The following EIF4H variants were observed in gnomAD, a reference collection of about 807,000 sequenced individuals.
EIF4H encodes the protein Williams-Beuren syndrome chromosome region 1.
A neutral mutation model predicts 30.6 loss-of-function variants in EIF4H; 8 were observed. The ratio of observed to expected loss-of-function variants is 0.26; its 90% CI spans 0.15 to 0.47. EIF4H has a LOEUF of 0.47. EIF4H is among the 20% of genes least tolerant of loss of function. EIF4H has a pLI of 0.99. For synonymous variants in EIF4H, 106 were observed against 122.7 expected (o/e 0.86, Z 0.90); for missense variants, 188 against 339.5 (o/e 0.55, Z 3.51).
rs1420106578 is a variant in EIF4H, at chr7:74,196,920, G to A, written c.*1612G>A. The stretch of plus-strand genomic sequence containing the variant: ...CAGATGACCTACTTACATCTTCAAT[G>A]TGGATAAGATAAAGAACAAAACACA... On this transcript the variant is annotated 3_prime_UTR_variant, in exon 7 of 7. Transcript: ENST00000265753. 6.6e-6 allele frequency: 1 copy of A among 152,596 alleles called. No homozygotes were observed. Among genetic ancestry groups the A allele is most frequent in the Admixed American group, 6.6e-5 (1 of 15,262 alleles). The allele number at this position is 152,596 out of a possible 1,614,324, so 9.5% of individuals were successfully genotyped here.
intron 1 of EIF4H, among the ~76,000 whole-genome samples, chr7:74,178,717 C>T (rs1554708024): frequency 2.6e-5 from 4 of 152,090 alleles, no homozygotes. Context: ...CGCCTGGTTG[C>T]TTTTACATCA....
intron 1 of EIF4H, among the ~76,000 whole-genome samples, chr7:74,182,222 T>G (rs1009646051): frequency 6.6e-6 from 1 of 152,196 alleles, no homozygotes; most frequent in East Asian, 1.9e-4. Flanking sequence ...TATAGTGACC[T>G]GTATACCCAT....
chr7:74,194,674 C>T (rs535068536), intron 5 of EIF4H, 67 bp from the exon 6 acceptor site: 148 of 1,475,122 alleles, frequency 1.0e-4, no homozygotes, highest in Non-Finnish European at 1.2e-4. Flanking sequence ...ATTCCCAGAA[C>T]ATTATTCTAT....
intron 1 of EIF4H, among the ~76,000 whole-genome samples, chr7:74,179,109 C>G (rs1414348817): frequency 6.6e-6 from 1 of 152,214 alleles, no homozygotes; most frequent in African/African-American, 2.4e-5. Context: ...GCTGGATTCT[C>G]ATACCTGCAT....
chr7:74,174,640 C>T (rs868906489), intron 1 of EIF4H, among the ~76,000 whole-genome samples, 198 bp downstream of exon 1: 1 of 152,040 alleles, frequency 6.6e-6, no homozygotes, highest in Non-Finnish European at 1.5e-5. Flanking sequence ...CTCCCGGGGT[C>T]TTGCTTGCGG....
At chr7:74,186,788 ATTTTTTTTTTTTTTTT>A (rs564794579) in intron 1 of EIF4H, among the ~76,000 whole-genome samples, 5,684 of 69,672 alleles carry the variant, frequency 0.082, 1,625 homozygotes, top group Non-Finnish European at 0.1. Context: ...ACAAGGAGAA[ATTTTTTTTTTTTTTTT>A]TTTTTTTTTT....
At chr7:74,185,471 C>G (rs1801061545) in intron 1 of EIF4H, among the ~76,000 whole-genome samples, 1 of 152,012 alleles carries the variant, frequency 6.6e-6, no homozygotes. Flanking sequence ...AGGTAGGATG[C>G]AATTCACTTG....
At chr7:74,176,851 T>A (rs1235632074) in intron 1 of EIF4H, among the ~76,000 whole-genome samples, 1 of 152,220 alleles carries the variant, frequency 6.6e-6, no homozygotes, top group African/African-American at 2.4e-5. Context: ...TTGTACCAGA[T>A]CTTGAATGGA....
chr7:74,191,246 C>A (rs1231532133), intron 5 of EIF4H: 1 of 534,010 alleles, frequency 1.9e-6, no homozygotes, highest in Non-Finnish European at 3.8e-6. Context: ...ATGGTGAAGT[C>A]AATCTGTAAT....
At chr7:74,186,227 CTTT>C (rs5884935) in intron 1 of EIF4H, among the ~76,000 whole-genome samples, 1 of 143,122 alleles carries the variant, frequency 7.0e-6, no homozygotes, top group Non-Finnish European at 1.5e-5. Flanking sequence ...ATTCTGATGT[CTTT>C]TTTTTTTTTT....
intron 1 of EIF4H, among the ~76,000 whole-genome samples, chr7:74,182,450 C>A (rs890147522): frequency 6.6e-6 from 1 of 152,230 alleles, no homozygotes; most frequent in African/African-American, 2.4e-5. Context: ...CTTGGCCTCC[C>A]GAAGTGCCGG....
chr7:74,189,994 A>G (rs1168534921), intron 4 of EIF4H, 76 bp downstream of exon 4: 2 of 1,512,872 alleles, frequency 1.3e-6, no homozygotes, highest in South Asian at 1.2e-5. Flanking sequence ...GAACGTTCCT[A>G]GTAGAACTCG....
At chr7:74,195,097 C>T (rs1584189747) in intron 6 of EIF4H, 72 bp from the exon 7 acceptor site, 1 of 1,580,090 alleles carries the variant, frequency 6.3e-7, no homozygotes, top group Admixed American at 1.7e-5. Context: ...CTGACAGCAA[C>T]ATCAGCATGG....
chr7:74,192,818 C>G (rs1446662281), intron 5 of EIF4H, among the ~76,000 whole-genome samples: 1 of 151,858 alleles, frequency 6.6e-6, no homozygotes, highest in Non-Finnish European at 1.5e-5. Flanking sequence ...GCTGGGATTA[C>G]AGGCGCACAC....
intron 2 of EIF4H, 104 bp downstream of exon 2, chr7:74,187,902 A>G (rs1801124869): frequency 2.3e-6 from 3 of 1,328,424 alleles, no homozygotes; most frequent in East Asian, 4.9e-5. Context: ...TGTAATCAAG[A>G]AAGTGTTTTA....
chr7:74,192,001 G>A (rs538707448), intron 5 of EIF4H, among the ~76,000 whole-genome samples: 2 of 152,006 alleles, frequency 1.3e-5, no homozygotes, highest in East Asian at 1.9e-4. Context: ...GGATGGTCTC[G>A]ATCTCCTGAC....
At chr7:74,186,793 T>A (rs1554709218) in intron 1 of EIF4H, among the ~76,000 whole-genome samples, 127 of 4,660 alleles carry the variant, frequency 0.027, 32 homozygotes, top group Non-Finnish European at 0.039. Flanking sequence ...GAGAAATTTT[T>A]TTTTTTTTTT....
intron 5 of EIF4H, among the ~76,000 whole-genome samples, chr7:74,193,202 G>T (rs1174889610): frequency 2.0e-5 from 3 of 152,198 alleles, no homozygotes; most frequent in Admixed American, 2.0e-4. Flanking sequence ...GGCCACTTCA[G>T]ACAGCGATGT....
intron 1 of EIF4H, among the ~76,000 whole-genome samples, chr7:74,175,303 G>A (rs1800812566): frequency 6.6e-6 from 1 of 152,128 alleles, no homozygotes; most frequent in South Asian, 2.1e-4. Context: ...AATACAAGTT[G>A]CCTCGTTAGA....
Sources: gnomAD v4.1 joint callset for allele counts (sites outside exome capture counted in the v4.1 genomes callset) on GRCh38, gnomAD v4.1.1 for gene constraint, MANE v1.5 for transcripts, NCBI Gene and HGNC (gene_info 2026-07-23, HGNC 2026-07-21) for gene names.